Variants in EFCAB5 observed in about 807,000 individuals in gnomAD.
EFCAB5 encodes EF-hand calcium binding domain 5.
EFCAB5 carries 131 observed loss-of-function variants against 167.9 expected under a neutral mutation model. The observed-to-expected ratio is 0.78, with a 90% CI of 0.68 to 0.90. EFCAB5 has a LOEUF of 0.90. EFCAB5 is among the 40% of genes least tolerant of loss of function. The pLI is 0.00. For missense variants in EFCAB5, 1,663 were observed against 1,745.2 expected, an observed-to-expected ratio of 0.95 and a Z score of 0.84; for synonymous variants, 574 against 602.8, an observed-to-expected ratio of 0.95 and a Z score of 0.70.
intron 7 of EFCAB5, among the ~76,000 whole-genome samples, chr17:30,007,665 G>T (rs1162363841): frequency 1.3e-5 from 2 of 152,102 alleles, no homozygotes; most frequent in Admixed American, 1.3e-4. Context: ...CAAGATGAGT[G>T]GTTTTCCTTT....
intron 4 of EFCAB5, among the ~76,000 whole-genome samples, chr17:29,981,083 A>G (rs150234793): frequency 6.0e-4 from 92 of 152,332 alleles, no homozygotes; most frequent in Middle Eastern, 3.4e-3. Flanking sequence ...GTATGTTTAC[A>G]TCCAGTTGCC....
At chr17:30,073,090 T>C (rs1299666361) in intron 14 of EFCAB5, 1 of 673,946 alleles carries the variant, frequency 1.5e-6, no homozygotes, top group Non-Finnish European at 2.7e-6. Flanking sequence ...CAGGTCTCAC[T>C]CTGTCGCCAG....
At chr17:29,934,336 G>A (rs1043532452) in intron 1 of EFCAB5, among the ~76,000 whole-genome samples, 8 of 152,044 alleles carry the variant, frequency 5.3e-5, no homozygotes, top group Non-Finnish European at 1.0e-4. Flanking sequence ...GTATTTCCTC[G>A]TTACATTTGC....
intron 4 of EFCAB5, among the ~76,000 whole-genome samples, chr17:29,970,771 T>C (rs1200432577): frequency 6.6e-6 from 1 of 152,082 alleles, no homozygotes; most frequent in Non-Finnish European, 1.5e-5. Context: ...GTGTGAATTA[T>C]TGTTGCCCTA....
intron 7 of EFCAB5, among the ~76,000 whole-genome samples, chr17:30,001,945 A>G (rs1427327823): frequency 6.6e-6 from 1 of 152,224 alleles, no homozygotes; most frequent in African/African-American, 2.4e-5. Context: ...CACACAGCAC[A>G]TAAGTGACAG....
chr17:30,069,193 T>G (rs2070661029), intron 14 of EFCAB5: 4 of 1,548,194 alleles, frequency 2.6e-6, no homozygotes, highest in Admixed American at 1.7e-5. Flanking sequence ...AGTTTCACAG[T>G]GTCCTTCAAA....
chr17:30,067,321 G>A (rs1403719406), intron 14 of EFCAB5, among the ~76,000 whole-genome samples: 1 of 152,020 alleles, frequency 6.6e-6, no homozygotes, highest in African/African-American at 2.4e-5. Context: ...TTCACACAGA[G>A]AATAAAAGAA....
chr17:29,970,669 T>TATAC (rs2067933380), intron 4 of EFCAB5, among the ~76,000 whole-genome samples: 1 of 58,694 alleles, frequency 1.7e-5, no homozygotes, highest in African/African-American at 4.1e-5. Flanking sequence ...CACACACACA[T>TATAC]ACACACACAC....
chr17:29,999,887 A>G lies in EFCAB5; in HGVS notation c.974-19A>G. The G allele has an allele frequency of 6.4e-7, 1 of 1,551,302 alleles. No homozygotes were observed. Among genetic ancestry groups the G allele is most frequent in the Non-Finnish European group, 8.8e-7 (1 of 1,142,418 alleles). ...TTACAACCTAACTAACTAGCAAATAATCTTCATTCCATAAATAGGATCACA... is the reference window on the plus strand; with the variant it reads ...TTACAACCTAACTAACTAGCAAATAGTCTTCATTCCATAAATAGGATCACA... On this transcript the variant is annotated intron_variant, in intron 6 of 22. Coordinates refer to ENST00000394835, the MANE Select transcript of EFCAB5 (RefSeq NM_198529.4).
intron 4 of EFCAB5, among the ~76,000 whole-genome samples, chr17:29,989,893 C>T (rs970307698): frequency 2.0e-5 from 3 of 152,158 alleles, no homozygotes; most frequent in African/African-American, 2.4e-5. Flanking sequence ...TAAACCTTGG[C>T]GGGAACTTTG....
At chr17:30,073,087 C>T (rs1246959402) in intron 14 of EFCAB5, 5 of 673,022 alleles carry the variant, frequency 7.4e-6, no homozygotes, top group Non-Finnish European at 1.3e-5. Context: ...GACCAGGTCT[C>T]ACTCTGTCGC....
intron 4 of EFCAB5, among the ~76,000 whole-genome samples, chr17:29,990,869 G>A (rs1001320371): frequency 8.6e-5 from 13 of 152,018 alleles, no homozygotes; most frequent in African/African-American, 9.7e-5. Flanking sequence ...ACTACTTTTC[G>A]CCCAGTGTCC....
intron 3 of EFCAB5, among the ~76,000 whole-genome samples, chr17:29,946,621 G>A (rs1273314976): frequency 6.6e-6 from 1 of 151,578 alleles, no homozygotes; most frequent in Non-Finnish European, 1.5e-5. Context: ...TATTTTTTTA[G>A]TAGAGACTGG....
chr17:30,005,310 C>T (rs1001974902), intron 7 of EFCAB5, among the ~76,000 whole-genome samples: 2 of 152,122 alleles, frequency 1.3e-5, no homozygotes, highest in Non-Finnish European at 2.9e-5. Flanking sequence ...CACTGCACTC[C>T]AGCCTGGATG....
intron 7 of EFCAB5, among the ~76,000 whole-genome samples, chr17:30,025,920 C>CA (rs2069307752): frequency 6.7e-6 from 1 of 149,500 alleles, no homozygotes; most frequent in Non-Finnish European, 1.5e-5. Flanking sequence ...ATCGCAAGGA[C>CA]AAAAAACCAA....
At chr17:30,009,386 C>T (rs2068842981) in intron 7 of EFCAB5, among the ~76,000 whole-genome samples, 1 of 133,840 alleles carries the variant, frequency 7.5e-6, no homozygotes, top group Admixed American at 7.4e-5. Flanking sequence ...GCAGTCACTC[C>T]CCATTTCCTT....
intron 7 of EFCAB5, among the ~76,000 whole-genome samples, chr17:30,011,523 C>A (rs1300637323): frequency 6.6e-6 from 1 of 152,150 alleles, no homozygotes; most frequent in African/African-American, 2.4e-5. Context: ...TCCTTCACAT[C>A]CCTTGTAAGT....
At chr17:30,068,894 C>T in intron 14 of EFCAB5, 2 of 1,535,922 alleles carry the variant, frequency 1.3e-6, no homozygotes, top group Admixed American at 3.3e-5. Flanking sequence ...GGGAGGATGA[C>T]AGACACAGAA....
At chr17:29,945,420 C>A (rs1054167348) in intron 3 of EFCAB5, among the ~76,000 whole-genome samples, 1 of 151,806 alleles carries the variant, frequency 6.6e-6, no homozygotes, top group Non-Finnish European at 1.5e-5. Context: ...TTCATTAAAA[C>A]CCGAACTTGC....
Sources: allele counts gnomAD v4.1 joint callset (sites outside exome capture counted in the v4.1 genomes callset), GRCh38; gene constraint gnomAD v4.1.1; transcripts MANE v1.5; gene names NCBI Gene and HGNC (gene_info 2026-07-23, HGNC 2026-07-21).